The following C2orf74 variants were observed in gnomAD, a reference collection of about 807,000 sequenced individuals.
C2orf74 encodes the protein DPM1 ER membrane anchor 1.
Under a neutral mutation model 17.9 loss-of-function variants are expected in C2orf74, and 14 were observed. The observed-to-expected ratio is 0.78, with a 90% confidence interval of 0.52 to 1.22. The LOEUF (loss-of-function observed/expected upper bound fraction) is 1.22. Ranked by LOEUF, C2orf74 falls within the 50% of genes most tolerant of loss-of-function variation. The probability of loss-of-function intolerance (pLI) is 0.00; values close to 1 mark genes in which losing one functional copy is unlikely to be tolerated. For missense variants in C2orf74, 217 were observed against 218.4 expected, an observed-to-expected ratio of 0.99 and a Z score of 0.04; for synonymous variants, 79 against 72.6, an observed-to-expected ratio of 1.09 and a Z score of -0.44.
intron 1 of C2orf74, among the ~76,000 whole-genome samples, chr2:61,149,520 G>A (rs1685162258): frequency 6.6e-6 from 1 of 151,890 alleles, no homozygotes; most frequent in African/African-American, 2.4e-5. Flanking sequence ...ACTGAAAATA[G>A]GGACGCTGTG....
chr2:61,145,800 A>G (rs1685053381), intron 1 of C2orf74, among the ~76,000 whole-genome samples: 1 of 152,174 alleles, frequency 6.6e-6, no homozygotes, highest in Admixed American at 6.5e-5. Context: ...AGCCCAAGCA[A>G]TCCTCCCACC....
At chr2:61,157,519 A>C (rs1181747680), upstream of C2orf74, among the ~76,000 whole-genome samples, 1 of 152,174 alleles carries the variant, frequency 6.6e-6, no homozygotes, top group African/African-American at 2.4e-5. Context: ...TAAGCCAAAA[A>C]GGAAAGGCAT....
intron 2 of C2orf74, 89 bp downstream of exon 2, chr2:61,162,698 C>A (rs1685599481): frequency 3.7e-6 from 4 of 1,076,858 alleles, no homozygotes; most frequent in Non-Finnish European, 2.7e-6. Flanking sequence ...TAAAACAGAA[C>A]AAGTAATGAT....
In C2orf74 at chr2:61,163,179, CAAAT is replaced by C. The variant is rs1383883945; in HGVS notation, c.342_345del (p.Ile114MetfsTer41). ...GGACATGGAGGCAGAAGAGGAGAAC[CAAAT>C]AAATGAGAAGCAAGAGCCTGAGAAT... On this transcript the variant is annotated frameshift_variant, in exon 4 of 5. Coordinates refer to ENST00000432605, the MANE Select transcript of C2orf74 (RefSeq NM_001143959.4). LOFTEE classifies it high-confidence loss of function. The C allele has an allele frequency of 1.3e-6, 2 of 1,552,322 alleles. No homozygotes were observed. The highest frequency in any genetic ancestry group is 1.7e-6 in the Non-Finnish European group (2 of 1,147,112).
At chr2:61,150,251 A>AT (rs1685187105) in intron 1 of C2orf74, among the ~76,000 whole-genome samples, 1 of 152,132 alleles carries the variant, frequency 6.6e-6, no homozygotes, top group South Asian at 2.1e-4. Flanking sequence ...GACTCCTGGG[A>AT]TGGAGGTGCA....
intron 2 of C2orf74, 74 bp downstream of exon 2, chr2:61,162,683 C>A: frequency 9.0e-7 from 1 of 1,108,240 alleles, no homozygotes; most frequent in Non-Finnish European, 1.3e-6. Context: ...TAATGTAAAA[C>A]AATTTAAAAC....
Position 61,162,954 on chromosome 2 carries a change from A to C in C2orf74, c.208A>C (p.Arg70=), listed in dbSNP as rs772847012. The C allele has an allele frequency of 1.4e-5, 22 of 1,552,412 alleles. No individual in the cohort carries two copies. The South Asian group carries it at 2.3e-4, about 16-fold the overall frequency. ...VVTSNPEDHE[R]ILMQVMNLNV... Reference sequence around the variant, plus strand: ...GACAAGCAATCCAGAGGACCATGAAAGGCGAGTGTGGTGCAGGATGTGGCA... The same window carrying C: ...GACAAGCAATCCAGAGGACCATGAACGGCGAGTGTGGTGCAGGATGTGGCA... Residue 70 remains arginine (R), a splice_region_variant and synonymous_variant, in exon 3 of 5, where the codon AGG becomes CGG. Transcript: ENST00000432605.
At chr2:61,162,784 A>G in intron 2 of C2orf74, 58 bp from the exon 3 acceptor site, 1 of 1,393,692 alleles carries the variant, frequency 7.2e-7, no homozygotes. Flanking sequence ...TTTCTATACC[A>G]CACCTTAAAA....
upstream of C2orf74, among the ~76,000 whole-genome samples, chr2:61,160,341 A>G (rs1685526177): frequency 6.6e-6 from 1 of 151,916 alleles, no homozygotes; most frequent in Non-Finnish European, 1.5e-5. Context: ...TTGTATTTTT[A>G]GTAGAGATGG....
intron 1 of C2orf74, among the ~76,000 whole-genome samples, chr2:61,145,893 C>T (rs1685055645): frequency 6.6e-6 from 1 of 152,070 alleles, no homozygotes; most frequent in Non-Finnish European, 1.5e-5. Context: ...AACATTGAAA[C>T]GTTTGGTAAT....
intron 1 of C2orf74, among the ~76,000 whole-genome samples, chr2:61,156,533 A>G (rs1685396308): frequency 6.6e-6 from 1 of 152,216 alleles, no homozygotes; most frequent in African/African-American, 2.4e-5. Context: ...AGTCACATGT[A>G]TATGTACAAA....
Position 61,162,421 on chromosome 2 carries a change from TTA to T in C2orf74, c.-93_-92del. 1 of 952,258 alleles carries T rather than the reference TTA, an allele frequency of 1.1e-6. No homozygotes were observed. Among genetic ancestry groups the T allele is most frequent in the Non-Finnish European group, 1.6e-6 (1 of 629,846 alleles). 59.0% of individuals were successfully genotyped at this position (952,258 alleles called of 1,614,324 possible). On this transcript the variant is annotated 5_prime_UTR_variant, in exon 2 of 5. The change abolishes the stop of an existing upstream ORF in the 5' untranslated region. Coordinates refer to ENST00000432605, the MANE Select transcript of C2orf74 (RefSeq NM_001143959.4). ...TTTTATTCCTCTGTTTCTAGAAAAC[TTA>T]AAGAACAAGAGAACTGCATTCAAAT...
intron 1 of C2orf74, among the ~76,000 whole-genome samples, chr2:61,155,375 T>G (rs1685361222): frequency 6.6e-6 from 1 of 152,194 alleles, no homozygotes; most frequent in South Asian, 2.1e-4. Context: ...TCTCTTTTGA[T>G]TTTTTTAATC....
intron 1 of C2orf74, among the ~76,000 whole-genome samples, chr2:61,149,310 T>A (rs1488021170): frequency 1.3e-5 from 2 of 152,140 alleles, no homozygotes; most frequent in Non-Finnish European, 1.5e-5. Flanking sequence ...GGGCCATAGA[T>A]GTGTCCTGCT....
At chr2:61,156,840 A>T (rs75933769) in intron 1 of C2orf74, among the ~76,000 whole-genome samples, 4,107 of 152,278 alleles carry the variant, frequency 0.027, 192 homozygotes, top group African/African-American at 0.094. Context: ...AACCAAGATC[A>T]TGCCACTACA....
chr2:61,145,875 G>C (rs1414741203), intron 1 of C2orf74, among the ~76,000 whole-genome samples: 1 of 152,168 alleles, frequency 6.6e-6, no homozygotes, highest in Non-Finnish European at 1.5e-5. Flanking sequence ...AAATCATCAT[G>C]ATTGGTGAAC....
At chr2:61,152,551 TA>T (rs1174172181) in intron 1 of C2orf74, among the ~76,000 whole-genome samples, 74 of 119,494 alleles carry the variant, frequency 6.2e-4, no homozygotes, top group African/African-American at 2.1e-3. Flanking sequence ...AAAAAAAAAT[TA>T]AAAAAAAAAG....
chr2:61,158,134 T>G (rs903450788), upstream of C2orf74: 16 of 386,154 alleles, frequency 4.1e-5, no homozygotes, highest in South Asian at 3.1e-4. Context: ...TGCTCCCCCA[T>G]CTTCTGGATA....
At chr2:61,146,535 CAT>C (rs1046432983) in intron 1 of C2orf74, among the ~76,000 whole-genome samples, 4 of 151,968 alleles carry the variant, frequency 2.6e-5, no homozygotes, top group African/African-American at 9.7e-5. Context: ...AAGCTAGAAA[CAT>C]ATAATATTAA....
Sources: gnomAD v4.1 joint callset for allele counts (sites outside exome capture counted in the v4.1 genomes callset) on GRCh38, gnomAD v4.1.1 for gene constraint, MANE v1.5 for transcripts, NCBI Gene and HGNC (gene_info 2026-07-23, HGNC 2026-07-21) for gene names.